EML1: variants seen among roughly 807,000 people sequenced by gnomAD.
EML1 encodes echinoderm microtubule-associated protein-like 1.
Under a neutral mutation model 110.4 loss-of-function variants are expected in EML1, and 27 were observed. The ratio of observed to expected loss-of-function variants is 0.24; its 90% CI spans 0.18 to 0.34. The LOEUF (loss-of-function observed/expected upper bound fraction) is 0.34. EML1 is among the 10% of genes least tolerant of loss of function. The pLI is 1.00. For synonymous variants in EML1, 344 were observed against 385.8 expected, an observed-to-expected ratio of 0.89 and a Z score of 1.27; for missense variants, 741 against 1,030.9, an observed-to-expected ratio of 0.72 and a Z score of 3.85.
intron 1 of EML1, among the ~76,000 whole-genome samples, chr14:99,835,143 A>G (rs1250456697): frequency 1.3e-5 from 2 of 152,140 alleles, no homozygotes; most frequent in African/African-American, 4.8e-5. Context: ...TTTTAACTAC[A>G]AATTCTATTC....
At chr14:99,840,990 T>C (rs1034004464) in intron 1 of EML1, among the ~76,000 whole-genome samples, 2 of 152,124 alleles carry the variant, frequency 1.3e-5, no homozygotes, top group African/African-American at 4.8e-5. Flanking sequence ...CTGCGGGTGA[T>C]GTAGGGGCTG....
intron 1 of EML1, among the ~76,000 whole-genome samples, chr14:99,843,017 G>A (rs879436029): frequency 2.0e-5 from 3 of 152,052 alleles, no homozygotes; most frequent in Non-Finnish European, 4.4e-5. Context: ...ACTTTGAGAC[G>A]CTGAGGCAGG....
chr14:99,917,574 G>A (rs1027832063), intron 15 of EML1, among the ~76,000 whole-genome samples: 1 of 152,146 alleles, frequency 6.6e-6, no homozygotes, highest in African/African-American at 2.4e-5. Flanking sequence ...AAGGGTGGGG[G>A]TAGGTAGAAA....
At chr14:99,915,028 A>G in intron 15 of EML1, 3 of 335,410 alleles carry the variant, frequency 8.9e-6, no homozygotes, top group South Asian at 8.5e-5. Flanking sequence ...TTCTATTTAC[A>G]GTGTACCCTT....
intron 17 of EML1, among the ~76,000 whole-genome samples, chr14:99,923,186 C>A (rs2060160433): frequency 6.6e-6 from 1 of 152,210 alleles, no homozygotes; most frequent in South Asian, 2.1e-4. Context: ...AAGTGATCTG[C>A]CTGCCTCGGC....
At chr14:99,811,271 A>C (rs573370370) in intron 1 of EML1, among the ~76,000 whole-genome samples, 1 of 147,608 alleles carries the variant, frequency 6.8e-6, no homozygotes, top group East Asian at 1.9e-4. Context: ...GCCTTGACTC[A>C]CTGGGCTCAA....
Position 99,885,531 on chromosome 14 carries a change from A to G in EML1, c.519-5668A>G, listed in dbSNP as rs189548706. 5.9e-5 allele frequency among the ~76,000 whole-genome samples: 9 copies of G among 152,358 alleles called. No homozygotes were observed. In the East Asian group the frequency reaches 1.7e-3, roughly 29 times the overall value. ...ATTTGAAAGCCACAGCCATTCAAGA[A>G]CTATGTAAACAGCACCACCTATGGG... On this transcript the variant is annotated intron_variant, in intron 4 of 21. Coordinates refer to ENST00000262233, the MANE Select transcript of EML1 (RefSeq NM_004434.3).
At chr14:99,748,183 A>G (rs2057134522) in intron 1 of EML1, among the ~76,000 whole-genome samples, 1 of 152,104 alleles carries the variant, frequency 6.6e-6, no homozygotes, top group African/African-American at 2.4e-5. Flanking sequence ...CAGGGATGGC[A>G]TCGCTGCTCT....
chr14:99,819,218 G>T (rs989348003), intron 1 of EML1, among the ~76,000 whole-genome samples: 4 of 152,156 alleles, frequency 2.6e-5, no homozygotes, highest in African/African-American at 9.7e-5. Flanking sequence ...GCCTCCCAAG[G>T]TGTGGGGACT....
intron 4 of EML1, among the ~76,000 whole-genome samples, chr14:99,881,967 C>T (rs1181193941): frequency 6.6e-6 from 1 of 152,176 alleles, no homozygotes; most frequent in Non-Finnish European, 1.5e-5. Flanking sequence ...CAAATGGTCA[C>T]TGGATTTGAG....
chr14:99,884,154 C>T (rs73360327), intron 4 of EML1, among the ~76,000 whole-genome samples: 4,708 of 152,256 alleles, frequency 0.031, 231 homozygotes, highest in African/African-American at 0.11. Flanking sequence ...GCGGTCGGCT[C>T]GCCACAGTGG....
chr14:99,846,658 G>A (rs1354451200), intron 1 of EML1, among the ~76,000 whole-genome samples: 1 of 151,942 alleles, frequency 6.6e-6, no homozygotes, highest in African/African-American at 2.4e-5. Flanking sequence ...TATTTTCTTT[G>A]TTCACTTATC....
intron 2 of EML1, 129 bp downstream of exon 2, chr14:99,851,164 A>G: frequency 9.7e-7 from 1 of 1,034,676 alleles, no homozygotes; most frequent in Admixed American, 2.7e-5. Context: ...AAACAGTCTT[A>G]GCACTGTCAA....
chr14:99,770,822 T>C (rs1446739251), upstream of EML1, among the ~76,000 whole-genome samples: 1 of 144,288 alleles, frequency 6.9e-6, no homozygotes, highest in African/African-American at 2.6e-5. Flanking sequence ...TCTCGCTCTG[T>C]TGTCCAGGCT....
At chr14:99,868,012 G>GT (rs1161897210) in intron 3 of EML1, among the ~76,000 whole-genome samples, 4 of 151,984 alleles carry the variant, frequency 2.6e-5, no homozygotes, top group Non-Finnish European at 5.9e-5. Flanking sequence ...AGTTTGTTGT[G>GT]TTTTTTTATC....
intron 3 of EML1, among the ~76,000 whole-genome samples, chr14:99,871,517 G>GA (rs78957951): frequency 2.6e-3 from 325 of 125,462 alleles, no homozygotes; most frequent in East Asian, 9.2e-3. Flanking sequence ...TGTCTCAAAG[G>GA]AAAAAAAAAA....
chr14:99,888,676 A>T (rs897582457), intron 4 of EML1, among the ~76,000 whole-genome samples: 2 of 152,242 alleles, frequency 1.3e-5, no homozygotes, highest in Non-Finnish European at 2.9e-5. Context: ...TATCTACAGT[A>T]TCATAGCTAT....
chr14:99,837,531 C>T (rs2058559123), intron 1 of EML1, among the ~76,000 whole-genome samples: 1 of 152,134 alleles, frequency 6.6e-6, no homozygotes, highest in South Asian at 2.1e-4. Flanking sequence ...ACAGTAACAA[C>T]GAATGTGGAT....
At chr14:99,805,056 G>A (rs915041174) in intron 1 of EML1, among the ~76,000 whole-genome samples, 2 of 152,070 alleles carry the variant, frequency 1.3e-5, no homozygotes, top group Admixed American at 1.3e-4. Flanking sequence ...CCTTCTTCAC[G>A]GAGCCGCTCC....
Sources: gnomAD v4.1 joint callset for allele counts (sites outside exome capture counted in the v4.1 genomes callset) on GRCh38, gnomAD v4.1.1 for gene constraint, MANE v1.5 for transcripts, NCBI Gene and HGNC (gene_info 2026-07-23, HGNC 2026-07-21) for gene names.